The following PDE3A variants were observed in gnomAD, a reference collection of about 807,000 sequenced individuals.
The protein encoded by PDE3A is cGMP-inhibited 3',5'-cyclic phosphodiesterase 3A.
In PDE3A, 43 loss-of-function variants were observed where a neutral mutation model predicts 98.3. The observed-to-expected ratio is 0.44, with a 90% CI of 0.34 to 0.56. The LOEUF (loss-of-function observed/expected upper bound fraction) is 0.56, where lower values mean the gene tolerates loss of function less well. Among genes scored for constraint, PDE3A ranks in the 20% least tolerant of loss-of-function variants. PDE3A has a pLI of 0.01. For missense variants in PDE3A, 1,427 were observed against 1,440.7 expected (o/e 0.99, Z 0.15); for synonymous variants, 663 against 567.9 (o/e 1.17, Z -2.38).
intron 2 of PDE3A, among the ~76,000 whole-genome samples, chr12:20,559,087 T>C (rs1156522133): frequency 6.6e-6 from 1 of 152,196 alleles, no homozygotes; most frequent in African/African-American, 2.4e-5. Context: ...ATGTGGTGCA[T>C]GATGACATAT....
intron 6 of PDE3A, among the ~76,000 whole-genome samples, chr12:20,633,245 A>G (rs1437970342): frequency 6.6e-6 from 1 of 152,120 alleles, no homozygotes; most frequent in Admixed American, 6.5e-5. Context: ...GCCCATAATG[A>G]GCTTTTAAGC....
At chr12:20,466,095 G>A (rs1240920449) in intron 1 of PDE3A, among the ~76,000 whole-genome samples, 3 of 152,030 alleles carry the variant, frequency 2.0e-5, no homozygotes, top group Non-Finnish European at 4.4e-5. Flanking sequence ...ATGTTCCCTA[G>A]AGATCTATCC....
At chr12:20,450,080 T>C in intron 1 of PDE3A, 1 of 561,926 alleles carries the variant, frequency 1.8e-6, no homozygotes. Flanking sequence ...ATCAGCCTTC[T>C]GCTGGTGCCG....
At chr12:20,530,845 G>T (rs1946612859) in intron 1 of PDE3A, among the ~76,000 whole-genome samples, 1 of 152,140 alleles carries the variant, frequency 6.6e-6, no homozygotes, top group Admixed American at 6.5e-5. Context: ...AATTAATCAT[G>T]TTCTTAAACA....
intron 1 of PDE3A, among the ~76,000 whole-genome samples, chr12:20,505,012 C>T (rs1360742090): frequency 2.0e-5 from 3 of 152,050 alleles, no homozygotes; most frequent in East Asian, 1.9e-4. Flanking sequence ...AGGTCTTTTC[C>T]TTGTAATTAT....
chr12:20,661,476 A>C (rs934450491), intron 15 of PDE3A, among the ~76,000 whole-genome samples: 28 of 152,322 alleles, frequency 1.8e-4, no homozygotes, highest in Admixed American at 3.3e-4. Flanking sequence ...AGAGGTCTTC[A>C]TGGCAGCCCC....
At chr12:20,464,530 G>A (rs574103563) in intron 1 of PDE3A, among the ~76,000 whole-genome samples, 1 of 152,062 alleles carries the variant, frequency 6.6e-6, no homozygotes, top group Non-Finnish European at 1.5e-5. Context: ...TCCTTCTGTA[G>A]GCCCAAGAAA....
At chr12:20,370,391 TTTTTTTTTGTTTTTTTTG>T (rs1183322844) in intron 1 of PDE3A, 147 bp downstream of exon 1, 10 of 497,478 alleles carry the variant, frequency 2.0e-5, no homozygotes, top group Non-Finnish European at 2.9e-5. Flanking sequence ...ACTAGCAGGT[TTTTTTTTTGTTTTTTTTG>T]TTTTTTTTTT....
At chr12:20,591,001 G>A (rs1315656957) in intron 2 of PDE3A, among the ~76,000 whole-genome samples, 1 of 152,166 alleles carries the variant, frequency 6.6e-6, no homozygotes, top group Non-Finnish European at 1.5e-5. Context: ...TGCCATTGTT[G>A]ATAGTATAAT....
intron 1 of PDE3A, among the ~76,000 whole-genome samples, chr12:20,473,051 A>G (rs1308070831): frequency 6.6e-6 from 1 of 152,172 alleles, no homozygotes; most frequent in East Asian, 1.9e-4. Context: ...GATAATGAAC[A>G]TTTAAAATGG....
At chr12:20,671,185 T>A (rs369691286) in intron 15 of PDE3A, among the ~76,000 whole-genome samples, 1 of 147,544 alleles carries the variant, frequency 6.8e-6, no homozygotes, top group Non-Finnish European at 1.5e-5. Flanking sequence ...AATAACAGGA[T>A]CTGAAATTGT....
At chr12:20,662,743 T>C (rs1207158698) in intron 15 of PDE3A, among the ~76,000 whole-genome samples, 1 of 152,176 alleles carries the variant, frequency 6.6e-6, no homozygotes, top group African/African-American at 2.4e-5. Flanking sequence ...AGAGGGAAGC[T>C]GAGCATAAAA....
intron 2 of PDE3A, among the ~76,000 whole-genome samples, chr12:20,583,194 C>T (rs1323933767): frequency 6.6e-6 from 1 of 152,180 alleles, no homozygotes; most frequent in East Asian, 1.9e-4. Context: ...TAAAAAACTA[C>T]ACACTGGGTA....
chr12:20,471,185 C>G (rs1945433826), intron 1 of PDE3A, among the ~76,000 whole-genome samples: 1 of 151,824 alleles, frequency 6.6e-6, no homozygotes, highest in African/African-American at 2.4e-5. Context: ...GGAGACCAGC[C>G]TAGCATTTGA....
At chr12:20,403,499 G>A (rs1291580179) in intron 1 of PDE3A, among the ~76,000 whole-genome samples, 3 of 152,084 alleles carry the variant, frequency 2.0e-5, no homozygotes, top group African/African-American at 7.2e-5. Flanking sequence ...TCCTGTGTAG[G>A]ACAGCTCTTA....
Position 20,369,246 on chromosome 12 carries a change from G to C in PDE3A, c.-39G>C, listed in dbSNP as rs990244685. 6.9e-7 allele frequency: 1 copy of C among 1,441,322 alleles called. No homozygotes were observed. The highest frequency in any genetic ancestry group is 2.6e-5 in the Admixed American group (1 of 39,122). The allele number at this position is 1,441,322 out of a possible 1,614,324, so 89.3% of individuals were successfully genotyped here. ...GCGTGGGTCGGGGCGGGGGCGTCGG[G>C]GGGCCACTGGGAATTCAGTGAAGAG... On this transcript the variant is annotated 5_prime_UTR_variant, in exon 1 of 16. Coordinates refer to ENST00000359062, the MANE Select transcript of PDE3A (RefSeq NM_000921.5).
chr12:20,373,852 A>C (rs1246203173), intron 1 of PDE3A, among the ~76,000 whole-genome samples: 1 of 152,130 alleles, frequency 6.6e-6, no homozygotes, highest in Non-Finnish European at 1.5e-5. Flanking sequence ...CAAAAATAGG[A>C]GAAATGGGTA....
Position 20,487,596 on chromosome 12 carries a change from C to T in PDE3A, c.961-69064C>T, listed in dbSNP as rs113158779. On this transcript the variant is annotated intron_variant, in intron 1 of 15. Coordinates refer to ENST00000359062, the MANE Select transcript of PDE3A (RefSeq NM_000921.5). ...TGAACCCAGGAGGCAGAAGTTGTAG[C>T]GAGCCAAGATTGCGCCACTGCACTC... is the stretch of plus-strand genomic sequence containing the variant. Among the ~76,000 whole-genome samples the T allele has an allele frequency of 7.6e-3, 1,129 of 147,988 alleles. 13 individuals are homozygous for T. Among genetic ancestry groups the T allele is most frequent in the African/African-American group, 0.026 (1,028 of 39,884 alleles).
intron 2 of PDE3A, among the ~76,000 whole-genome samples, chr12:20,567,747 C>A (rs932657209): frequency 1.3e-5 from 2 of 151,972 alleles, no homozygotes; most frequent in South Asian, 4.1e-4. Context: ...GCTTATGACA[C>A]ATGATATGAC....
Sources: allele counts gnomAD v4.1 joint callset (sites outside exome capture counted in the v4.1 genomes callset), GRCh38; gene constraint gnomAD v4.1.1; transcripts MANE v1.5; gene names NCBI Gene and HGNC (gene_info 2026-07-23, HGNC 2026-07-21).